The following G2E3 variants were observed in gnomAD, a reference collection of about 807,000 sequenced individuals.
G2E3 encodes G2/M-phase specific E3 ubiquitin protein ligase.
In G2E3, 35 loss-of-function variants were observed where a neutral mutation model predicts 92.8. That is an observed-to-expected ratio of 0.38 (90% CI 0.29 to 0.50). The LOEUF is 0.50. G2E3 is among the 20% of genes least tolerant of loss of function. G2E3 has a pLI of 0.94. For missense variants in G2E3, 554 were observed against 823.8 expected (o/e 0.67, Z 4.01); for synonymous variants, 242 against 272.4 (o/e 0.89, Z 1.10).
At chr14:30,582,325 T>TA (rs1177592660) in intron 2 of G2E3, among the ~76,000 whole-genome samples, 1 of 152,174 alleles carries the variant, frequency 6.6e-6, no homozygotes, top group East Asian at 1.9e-4. Flanking sequence ...TACCAAATTT[T>TA]AAACATTAAA....
intron 1 of G2E3, chr14:30,577,894 T>A (rs903116673): frequency 6.6e-6 from 1 of 152,210 alleles, no homozygotes; most frequent in Non-Finnish European, 1.5e-5. Flanking sequence ...AAGGTATTAA[T>A]TAAATTGTTT....
At chr14:30,598,351 T>C in intron 7 of G2E3, 132 bp from the exon 8 acceptor site, 1 of 603,400 alleles carries the variant, frequency 1.7e-6, no homozygotes, top group South Asian at 1.8e-5. Flanking sequence ...TGCACCACTG[T>C]ACTCCAGCCT....
chr14:30,563,565 A>C (rs547125866), intron 1 of G2E3, among the ~76,000 whole-genome samples: 1 of 152,294 alleles, frequency 6.6e-6, no homozygotes, highest in South Asian at 2.1e-4. Flanking sequence ...TGGAATCATG[A>C]AGAAACATGA....
intron 1 of G2E3, among the ~76,000 whole-genome samples, chr14:30,561,882 A>G (rs1301504366): frequency 6.6e-6 from 1 of 151,482 alleles, no homozygotes; most frequent in Non-Finnish European, 1.5e-5. Flanking sequence ...TTTTTCTGAG[A>G]TGATAGCATA....
intron 10 of G2E3, among the ~76,000 whole-genome samples, chr14:30,605,209 C>G (rs1238987443): frequency 6.6e-6 from 1 of 152,132 alleles, no homozygotes; most frequent in East Asian, 1.9e-4. Flanking sequence ...GATTCTGATT[C>G]TTAAACCGGA....
At chr14:30,591,367 T>C (rs1350390025) in intron 4 of G2E3, among the ~76,000 whole-genome samples, 1 of 152,296 alleles carries the variant, frequency 6.6e-6, no homozygotes, top group East Asian at 1.9e-4. Flanking sequence ...TAATAATTTT[T>C]CTATTTATGT....
intron 8 of G2E3, among the ~76,000 whole-genome samples, chr14:30,601,511 G>A (rs1190176090): frequency 1.3e-5 from 2 of 152,080 alleles, no homozygotes; most frequent in Non-Finnish European, 2.9e-5. Flanking sequence ...TTTGTCTGAT[G>A]TTTATATTCT....
At chr14:30,601,202 C>T (rs1176428722) in intron 8 of G2E3, among the ~76,000 whole-genome samples, 1 of 152,160 alleles carries the variant, frequency 6.6e-6, no homozygotes, top group East Asian at 1.9e-4. Flanking sequence ...CACTACAGCC[C>T]ACACTTGTAG....
intron 12 of G2E3, chr14:30,611,593 C>G (rs447614): frequency 6.6e-6 from 1 of 151,694 alleles, no homozygotes; most frequent in Non-Finnish European, 1.5e-5. Flanking sequence ...TCAGCTGTTA[C>G]TCTTTTTCAT....
chr14:30,562,700 C>G (rs941999640), intron 1 of G2E3, among the ~76,000 whole-genome samples: 2 of 152,154 alleles, frequency 1.3e-5, no homozygotes, highest in East Asian at 3.9e-4. Context: ...GGAGGCCTAA[C>G]CGTCTCCCTG....
chr14:30,566,606 G>A (rs1401651897), intron 1 of G2E3, among the ~76,000 whole-genome samples: 7 of 152,124 alleles, frequency 4.6e-5, no homozygotes, highest in South Asian at 2.1e-4. Context: ...AGCTGAATTC[G>A]TTTAGTAGCT....
intron 6 of G2E3, among the ~76,000 whole-genome samples, chr14:30,596,478 T>C (rs1053539566): frequency 6.6e-6 from 1 of 152,208 alleles, no homozygotes; most frequent in Non-Finnish European, 1.5e-5. Flanking sequence ...TTTTCCTAAT[T>C]ACACATTCTC....
At chr14:30,591,774 C>T (rs1881025313) in intron 4 of G2E3, among the ~76,000 whole-genome samples, 1 of 152,170 alleles carries the variant, frequency 6.6e-6, no homozygotes, top group Admixed American at 6.5e-5. Context: ...TCTGCAAAGA[C>T]CGTATTTCCA....
At chr14:30,602,154 A>C in intron 10 of G2E3, 23 bp downstream of exon 10, 1 of 1,561,906 alleles carries the variant, frequency 6.4e-7, no homozygotes, top group East Asian at 2.2e-5. Flanking sequence ...AATTGGAGAA[A>C]TACATAAAAA....
intron 13 of G2E3, among the ~76,000 whole-genome samples, chr14:30,613,639 C>A (rs368674081): frequency 6.6e-6 from 1 of 150,978 alleles, no homozygotes. Context: ...GTATCTAGAC[C>A]TTTTCATTGA....
Position 30,600,125 on chromosome 14 carries a change from T to C in G2E3, c.752+1526T>C, listed in dbSNP as rs115405832. 7.6e-3 allele frequency among the ~76,000 whole-genome samples: 1,155 copies of C among 152,336 alleles called. 9 individuals carry two copies. Among genetic ancestry groups the C allele is most frequent in the African/African-American group, 0.026 (1,085 of 41,568 alleles). ...TTTCAATAATTTGTTATCACTGTTATGTAGTCTTACTTAACATAGTAAGCT... is the reference window on the plus strand; with the variant it reads ...TTTCAATAATTTGTTATCACTGTTACGTAGTCTTACTTAACATAGTAAGCT... On this transcript the variant is annotated intron_variant, in intron 8 of 14. Coordinates refer to ENST00000206595, the MANE Select transcript of G2E3 (RefSeq NM_017769.5).
At chr14:30,585,505 G>C (rs1880661167) in intron 2 of G2E3, among the ~76,000 whole-genome samples, 1 of 151,110 alleles carries the variant, frequency 6.6e-6, no homozygotes, top group Admixed American at 6.6e-5. Context: ...CTTTTTCATT[G>C]ATCTATATGT....
chr14:30,616,605 TTTTCATCATCACTTTGAACAAAC>T lies in G2E3; in HGVS notation c.*73_*95del, dbSNP rs1334601419. The T allele has an allele frequency of 9.0e-7, 1 of 1,107,018 alleles. No homozygotes were observed. Among genetic ancestry groups the T allele is most frequent in the Non-Finnish European group, 1.3e-6 (1 of 756,020 alleles). The allele number at this position is 1,107,018 out of a possible 1,614,324, so 68.6% of individuals were successfully genotyped here. A position where few individuals can be genotyped will look rare whatever the true frequency, so the allele number is the denominator to read the frequency against. On this transcript the variant is annotated 3_prime_UTR_variant, in exon 15 of 15. Coordinates refer to ENST00000206595, the MANE Select transcript of G2E3 (RefSeq NM_017769.5). ...ATAACTCTCTTTTATTTCACTAACC[TTTTCATCATCACTTTGAACAAAC>T]TAGTTAGCTTCTTGACCTAATAAAA...
At chr14:30,571,660 T>A (rs370198187) in intron 1 of G2E3, among the ~76,000 whole-genome samples, 1 of 152,240 alleles carries the variant, frequency 6.6e-6, no homozygotes, top group East Asian at 1.9e-4. Flanking sequence ...TCAATACTAT[T>A]TATTGAATAG....
Sources: allele counts gnomAD v4.1 joint callset (sites outside exome capture counted in the v4.1 genomes callset), GRCh38; gene constraint gnomAD v4.1.1; transcripts MANE v1.5; gene names NCBI Gene and HGNC (gene_info 2026-07-23, HGNC 2026-07-21).